Variants in GARNL3 observed in about 807,000 individuals in gnomAD.
GARNL3 encodes the protein GTPase-activating Rap/Ran-GAP domain-like protein 3.
In GARNL3, 63 loss-of-function variants were observed where a neutral mutation model predicts 125.0. That is an observed-to-expected ratio of 0.50 (90% CI 0.41 to 0.62). The LOEUF is 0.62. Ranked by LOEUF, GARNL3 falls within the 20% of genes least tolerant of loss-of-function variation. The pLI, the probability that GARNL3 is intolerant of heterozygous loss-of-function variation, is 0.00. For missense variants in GARNL3, 994 were observed against 1,244.0 expected (o/e 0.80, Z 3.02); for synonymous variants, 439 against 457.5 (o/e 0.96, Z 0.52).
At chr9:127,379,953 G>T (rs544407032) in intron 22 of GARNL3, among the ~76,000 whole-genome samples, 2 of 152,286 alleles carry the variant, frequency 1.3e-5, no homozygotes, top group Admixed American at 1.3e-4. Flanking sequence ...GCCAAAGCGG[G>T]TGGATCACTT....
chr9:127,349,452 G>A (rs1830313977), intron 17 of GARNL3, among the ~76,000 whole-genome samples: 1 of 151,916 alleles, frequency 6.6e-6, no homozygotes, highest in South Asian at 2.1e-4. Flanking sequence ...AAGTACTGAT[G>A]TCCAAAACAA....
intron 7 of GARNL3, among the ~76,000 whole-genome samples, chr9:127,325,404 G>A (rs1588859249): frequency 6.6e-6 from 1 of 152,252 alleles, no homozygotes; most frequent in African/African-American, 2.4e-5. Flanking sequence ...TAGGGTGTGT[G>A]TGCTTTATTA....
intron 1 of GARNL3, among the ~76,000 whole-genome samples, chr9:127,226,089 C>A (rs893804080): frequency 6.6e-6 from 1 of 152,236 alleles, no homozygotes; most frequent in East Asian, 1.9e-4. Flanking sequence ...TCTGTTCTGA[C>A]ACCTCTGAAA....
chr9:127,231,733 C>G (rs1432954135), intron 1 of GARNL3, among the ~76,000 whole-genome samples: 1 of 152,196 alleles, frequency 6.6e-6, no homozygotes, highest in Non-Finnish European at 1.5e-5. Context: ...CACCCCAAAT[C>G]TACTTAGTCG....
In GARNL3 at chr9:127,232,989, G is replaced by A. The variant is rs142422417; in HGVS notation, c.-29+8651G>A. 9.8e-5 allele frequency among the ~76,000 whole-genome samples: 15 copies of A among 152,308 alleles called. No individual in the cohort carries two copies. In the East Asian group the frequency reaches 2.9e-3, roughly 29 times the overall value. ...AAATTTTTGAGTCCAGGAGGTCGAGGTTTCAGTGAGTCATGATTATACCAC... is the reference window on the plus strand; with the variant it reads ...AAATTTTTGAGTCCAGGAGGTCGAGATTTCAGTGAGTCATGATTATACCAC... On this transcript the variant is annotated intron_variant, in intron 1 of 10. Transcript: ENST00000439286.
At chr9:127,288,202 C>T (rs2064308685) in intron 1 of GARNL3, among the ~76,000 whole-genome samples, 1 of 152,152 alleles carries the variant, frequency 6.6e-6, no homozygotes, top group African/African-American at 2.4e-5. Flanking sequence ...GAACTGACAA[C>T]AGGGTCATCT....
intron 21 of GARNL3, among the ~76,000 whole-genome samples, chr9:127,359,672 T>C (rs1341926308): frequency 6.6e-6 from 1 of 152,212 alleles, no homozygotes; most frequent in Non-Finnish European, 1.5e-5. Context: ...AGAGAAACTT[T>C]CTGACAAGTT....
chr9:127,281,732 G>C (rs1223237001), intron 1 of GARNL3, among the ~76,000 whole-genome samples: 1 of 152,216 alleles, frequency 6.6e-6, no homozygotes, highest in African/African-American at 2.4e-5. Flanking sequence ...TGAGGGGATG[G>C]CTCATTCTAC....
At chr9:127,370,834 C>T (rs1831565747) in intron 22 of GARNL3, among the ~76,000 whole-genome samples, 1 of 152,196 alleles carries the variant, frequency 6.6e-6, no homozygotes, top group Non-Finnish European at 1.5e-5. Flanking sequence ...TGCTCATTCT[C>T]CCCTGCAAGC....
intron 1 of GARNL3, among the ~76,000 whole-genome samples, chr9:127,282,957 T>TA (rs1257851127): frequency 6.6e-6 from 1 of 152,218 alleles, no homozygotes; most frequent in African/African-American, 2.4e-5. Flanking sequence ...GCTTTCTATT[T>TA]AAAAAAATTA....
chr9:127,325,034 T>C (rs546487973), intron 6 of GARNL3, 35 bp from the exon 7 acceptor site: 11 of 1,600,400 alleles, frequency 6.9e-6, no homozygotes, highest in African/African-American at 6.7e-5. Flanking sequence ...ATTACTGTTA[T>C]GCCTGGATGT....
At chr9:127,328,462 C>T (rs935684644) in intron 7 of GARNL3, among the ~76,000 whole-genome samples, 11 of 152,096 alleles carry the variant, frequency 7.2e-5, no homozygotes, top group South Asian at 2.1e-4. Flanking sequence ...GTGAGGCTCC[C>T]GAAAGGTTAG....
intron 11 of GARNL3, 142 bp from the exon 12 acceptor site, chr9:127,337,974 G>C: frequency 1.5e-6 from 1 of 686,022 alleles, no homozygotes. Flanking sequence ...AGAAGTATGG[G>C]TTCTGTCCCA....
upstream of GARNL3, chr9:127,263,955 T>C: frequency 3.9e-6 from 6 of 1,526,898 alleles, no homozygotes; most frequent in Non-Finnish European, 5.3e-6. Flanking sequence ...CCAAGAGGGC[T>C]GTAATTTAGA....
intron 17 of GARNL3, among the ~76,000 whole-genome samples, chr9:127,351,369 C>T (rs1386141712): frequency 6.6e-6 from 1 of 152,116 alleles, no homozygotes; most frequent in Admixed American, 6.5e-5. Flanking sequence ...TCGCCTTCAA[C>T]AGGATGGTGG....
intron 27 of GARNL3, among the ~76,000 whole-genome samples, chr9:127,391,195 G>A (rs1283319595): frequency 1.3e-5 from 2 of 151,722 alleles, no homozygotes; most frequent in African/African-American, 2.4e-5. Context: ...TGAGGCAGAA[G>A]AATCGCTTGA....
chr9:127,243,023 A>G, intron 1 of GARNL3: 1 of 1,274,652 alleles, frequency 7.8e-7, no homozygotes. Context: ...CAGGCCAGGG[A>G]TTGGCCTGCC....
chr9:127,342,236 G>T lies in GARNL3; in HGVS notation c.1153G>T (p.Ala385Ser). 1 of 1,612,090 alleles carries T rather than the reference G, an allele frequency of 6.2e-7. No homozygotes were observed. The highest frequency in any genetic ancestry group is 1.1e-5 in the South Asian group (1 of 91,032). Residue 385 changes from alanine to serine, a missense_variant, in exon 14 of 28, where the codon GCC becomes TCC. By Grantham distance (99) the Ala-to-Ser change is moderately conservative (BLOSUM62 1). Transcript: ENST00000373387. Reference protein sequence around the residue: ...LLVKLINGEKATLETPTFAQK... With the variant: ...LLVKLINGEKSTLETPTFAQK... ...TATTTTAGTAATTAATGGTGAAAAA[G>T]CCACTTTGGAAACCCCAACATTTGC...
At chr9:127,300,197 T>G (rs1330958825) in intron 2 of GARNL3, 1 of 319,702 alleles carries the variant, frequency 3.1e-6, no homozygotes, top group Non-Finnish European at 6.4e-6. Context: ...TGAATGATAA[T>G]TTCTTCCTCT....
Sources: gnomAD v4.1 joint callset for allele counts (sites outside exome capture counted in the v4.1 genomes callset) on GRCh38, gnomAD v4.1.1 for gene constraint, MANE v1.5 for transcripts, NCBI Gene and HGNC (gene_info 2026-07-23, HGNC 2026-07-21) for gene names.